NDUFAF7: variants seen among roughly 807,000 people sequenced by gnomAD.
The protein encoded by NDUFAF7 is NADH:ubiquinone oxidoreductase complex assembly factor 7.
NDUFAF7 carries 48 observed loss-of-function variants against 47.2 expected under a neutral mutation model. The observed-to-expected ratio is 1.02, with a 90% CI of 0.81 to 1.29. NDUFAF7 has a LOEUF of 1.29. Ranked by LOEUF, NDUFAF7 falls within the 50% of genes most tolerant of loss-of-function variation. The pLI is 0.00. For synonymous variants in NDUFAF7, 217 were observed against 190.0 expected, an observed-to-expected ratio of 1.14 and a Z score of -1.17; for missense variants, 635 against 537.6, an observed-to-expected ratio of 1.18 and a Z score of -1.79.
the NDUFAF7 span, among the ~76,000 whole-genome samples, chr2:37,259,229 T>C: frequency 6.6e-6 from 1 of 152,200 alleles, no homozygotes; most frequent in Non-Finnish European, 1.5e-5. Flanking sequence ...TCAACCAAAA[T>C]CTATCTCCCA....
At position 37,237,841 on chromosome 2, in the gene NDUFAF7, G is replaced by A. The variant is rs1276700052; in HGVS notation, c.382G>A (p.Gly128Arg). ...GCTGGTGGAACTGGGCCCAGGTAGG[G>A]GAACCCTCGTGGGAGATATTTTGAG... Reference protein sequence around the residue: ...FQLVELGPGRGTLVGDILRVF... With the variant: ...FQLVELGPGRRTLVGDILRVF... Residue 128 changes from glycine (G) to arginine (R), a missense_variant, in exon 4 of 10, where the codon GGA becomes AGA. Coordinates refer to ENST00000002125, the MANE Select transcript of NDUFAF7 (RefSeq NM_144736.5). 6.2e-7 allele frequency: 1 copy of A among 1,612,290 alleles called. No individual in the cohort carries two copies. The highest frequency in any genetic ancestry group is 1.1e-5 in the South Asian group (1 of 91,020).
At chr2:37,232,064 T>G in intron 1 of NDUFAF7, 42 bp from the exon 2 acceptor site, 1 of 1,614,060 alleles carries the variant, frequency 6.2e-7, no homozygotes, top group Non-Finnish European at 8.5e-7. Context: ...TCGTGAATGG[T>G]CAGATTTATC....
chr2:37,245,743 G>T (rs1008699298), intron 7 of NDUFAF7, among the ~76,000 whole-genome samples: 1 of 152,154 alleles, frequency 6.6e-6, no homozygotes, highest in African/African-American at 2.4e-5. Context: ...TATGATTTGT[G>T]ATACAAAAGT....
chr2:37,233,387 T>G (rs922268040), intron 2 of NDUFAF7, among the ~76,000 whole-genome samples: 1 of 152,182 alleles, frequency 6.6e-6, no homozygotes, highest in Non-Finnish European at 1.5e-5. Flanking sequence ...CCCAGCACTT[T>G]GGGAGGCCAA....
In NDUFAF7 at chr2:37,248,055, T is replaced by A. The variant is rs999368158; in HGVS notation, c.1111-80T>A. On this transcript the variant is annotated intron_variant, in intron 9 of 9. Coordinates refer to ENST00000002125, the MANE Select transcript of NDUFAF7 (RefSeq NM_144736.5). Reference sequence around the variant, plus strand: ...TTTGAGTGCTGTTTTATTGGAATATTTGAGAGTCATTAGTATTGCTGCATG... The same window carrying A: ...TTTGAGTGCTGTTTTATTGGAATATATGAGAGTCATTAGTATTGCTGCATG... The A allele has an allele frequency of 1.2e-5, 13 of 1,125,768 alleles. No homozygotes were observed. In the Admixed American group the frequency reaches 2.4e-4, roughly 21 times the overall value. 69.7% of individuals were successfully genotyped at this position (1,125,768 alleles called of 1,614,324 possible).
rs143851721 is a variant in NDUFAF7, at chr2:37,247,130, T to C, written c.937-326T>C. 1.4e-4 allele frequency among the ~76,000 whole-genome samples: 22 copies of C among 152,292 alleles called. No individual in the cohort carries two copies. The East Asian group carries it at 4.2e-3, about 29-fold the overall frequency. On this transcript the variant is annotated intron_variant, in intron 8 of 9. Coordinates refer to ENST00000002125, the MANE Select transcript of NDUFAF7 (RefSeq NM_144736.5). ...ACCCAGTGTTTAGCTCTAAGTGAGATGTACATGTGGTATTTGGTTTTGTCC... is the reference window on the plus strand; with the variant it reads ...ACCCAGTGTTTAGCTCTAAGTGAGACGTACATGTGGTATTTGGTTTTGTCC...
the NDUFAF7 span, among the ~76,000 whole-genome samples, chr2:37,263,775 C>T: frequency 6.6e-6 from 1 of 152,138 alleles, no homozygotes; most frequent in Non-Finnish European, 1.5e-5. Flanking sequence ...AAGAGACATG[C>T]ACCTCTGCTT....
chr2:37,260,174 A>T, the NDUFAF7 span: 1 of 1,517,224 alleles, frequency 6.6e-7, no homozygotes, highest in South Asian at 1.2e-5. Flanking sequence ...TAAAAAAAAA[A>T]AAATTAGTTT....
chr2:37,269,744 T>C, the NDUFAF7 span: 2 of 1,215,628 alleles, frequency 1.6e-6, no homozygotes, highest in Non-Finnish European at 2.4e-6. Flanking sequence ...AATGTCAACA[T>C]CTCTGACTTT....
chr2:37,262,895 TC>T, the NDUFAF7 span, among the ~76,000 whole-genome samples: 37 of 144,486 alleles, frequency 2.6e-4, no homozygotes, highest in South Asian at 6.7e-4. Context: ...TAAGATTCCT[TC>T]CCCCCCCCGT....
At chr2:37,261,235 C>A in the NDUFAF7 span, among the ~76,000 whole-genome samples, 8 of 152,220 alleles carry the variant, frequency 5.3e-5, no homozygotes, top group African/African-American at 1.9e-4. Context: ...GCCTGTAATC[C>A]CAGCACTTTG....
At chr2:37,262,480 C>A in the NDUFAF7 span, among the ~76,000 whole-genome samples, 66,223 of 152,008 alleles carry the variant, frequency 0.44, 14,894 homozygotes, top group African/African-American at 0.47. Flanking sequence ...ATTTTAAACC[C>A]ATTTTATGAG....
the NDUFAF7 span, chr2:37,259,495 C>T: frequency 1.1e-6 from 1 of 949,036 alleles, no homozygotes; most frequent in South Asian, 1.9e-5. Flanking sequence ...CATTTTTAAC[C>T]AACAGTACTT....
At chr2:37,258,664 G>A in the NDUFAF7 span, among the ~76,000 whole-genome samples, 4 of 152,018 alleles carry the variant, frequency 2.6e-5, no homozygotes, top group Non-Finnish European at 5.9e-5. Context: ...CCAACTATCA[G>A]GCAACCCTTT....
At chr2:37,268,186 C>T in the NDUFAF7 span, 3 of 380,426 alleles carry the variant, frequency 7.9e-6, no homozygotes, top group Admixed American at 1.1e-4. Flanking sequence ...CTGACTTGCT[C>T]TTCTCTACAT....
At chr2:37,255,253 C>T (rs758690152), downstream of NDUFAF7, among the ~76,000 whole-genome samples, 7 of 152,166 alleles carry the variant, frequency 4.6e-5, no homozygotes, top group African/African-American at 7.2e-5. Flanking sequence ...TGTTCTTAAA[C>T]TTTTCCCAGT....
At chr2:37,259,356 G>GA in the NDUFAF7 span, among the ~76,000 whole-genome samples, 6 of 152,332 alleles carry the variant, frequency 3.9e-5, no homozygotes, top group Admixed American at 6.5e-5. Flanking sequence ...GTGAATTGCA[G>GA]AATCTATGTG....
chr2:37,234,942 C>A (rs1199305651), intron 2 of NDUFAF7, among the ~76,000 whole-genome samples: 1 of 152,118 alleles, frequency 6.6e-6, no homozygotes, highest in East Asian at 1.9e-4. Context: ...AGAATAGGAG[C>A]TTGAGAAGCA....
chr2:37,258,599 T>A, the NDUFAF7 span, among the ~76,000 whole-genome samples: 51 of 152,360 alleles, frequency 3.3e-4, no homozygotes, highest in Non-Finnish European at 6.2e-4. Flanking sequence ...TTTTGTCTAC[T>A]ATTTTGAAGA....
Sources: gnomAD v4.1 joint callset for allele counts (sites outside exome capture counted in the v4.1 genomes callset) on GRCh38, gnomAD v4.1.1 for gene constraint, MANE v1.5 for transcripts, NCBI Gene and HGNC (gene_info 2026-07-23, HGNC 2026-07-21) for gene names.